Variants in CRADD observed in about 807,000 individuals in gnomAD.
CRADD encodes the protein death domain-containing protein CRADD.
A neutral mutation model predicts 15.5 loss-of-function variants in CRADD; 9 were observed. That is an observed-to-expected ratio of 0.58 (90% CI 0.35 to 1.01). CRADD has a LOEUF of 1.01. Ranked by LOEUF, CRADD falls within the 50% of genes least tolerant of loss-of-function variation. CRADD has a pLI of 0.02. For synonymous variants in CRADD, 118 were observed against 107.6 expected, an observed-to-expected ratio of 1.10 and a Z score of -0.60; for missense variants, 227 against 250.3, an observed-to-expected ratio of 0.91 and a Z score of 0.63.
intron 2 of CRADD, among the ~76,000 whole-genome samples, chr12:93,721,399 CA>C (rs1389373973): frequency 6.6e-6 from 1 of 152,072 alleles, no homozygotes; most frequent in African/African-American, 2.4e-5. Context: ...TGCTGTCATT[CA>C]TTTCACTTAT....
At chr12:93,735,690 C>T (rs941385137) in intron 2 of CRADD, 2 of 152,028 alleles carry the variant, frequency 1.3e-5, no homozygotes, top group African/African-American at 4.8e-5. Flanking sequence ...CGCTTGAAGC[C>T]AAGAGTTTGA....
downstream of CRADD, among the ~76,000 whole-genome samples, chr12:93,854,407 C>T (rs558774758): frequency 2.6e-5 from 4 of 152,296 alleles, no homozygotes; most frequent in South Asian, 4.1e-4. Flanking sequence ...GAAGGCAAGC[C>T]GCCATGTGGA....
chr12:93,754,914 C>T (rs1229559133), intron 2 of CRADD, among the ~76,000 whole-genome samples: 1 of 151,682 alleles, frequency 6.6e-6, no homozygotes, highest in Non-Finnish European at 1.5e-5. Flanking sequence ...TTTACTGTAT[C>T]AGTCCATTTT....
At chr12:93,765,603 G>T (rs1957018827) in intron 2 of CRADD, among the ~76,000 whole-genome samples, 1 of 152,134 alleles carries the variant, frequency 6.6e-6, no homozygotes, top group Non-Finnish European at 1.5e-5. Flanking sequence ...GCTCCTGGGT[G>T]CGCCCTCCTA....
At chr12:93,726,424 A>T (rs1011782609) in intron 2 of CRADD, among the ~76,000 whole-genome samples, 18 of 150,368 alleles carry the variant, frequency 1.2e-4, no homozygotes, top group Non-Finnish European at 2.4e-4. Context: ...TTTTTTAATG[A>T]CTCCCTCAAC....
chr12:93,810,551 C>CAAAAAAAAAAAA (rs56689824), intron 2 of CRADD, among the ~76,000 whole-genome samples: 17 of 39,070 alleles, frequency 4.4e-4, no homozygotes, highest in Admixed American at 8.7e-4. Flanking sequence ...AAATCAGTCT[C>CAAAAAAAAAAAA]AAAAAAAAAA....
At chr12:93,830,857 A>G (rs1957888548) in intron 2 of CRADD, among the ~76,000 whole-genome samples, 1 of 152,226 alleles carries the variant, frequency 6.6e-6, no homozygotes, top group African/African-American at 2.4e-5. Flanking sequence ...TGCTTTAGAC[A>G]ATCTCCAAAC....
intron 2 of CRADD, among the ~76,000 whole-genome samples, chr12:93,704,659 C>A (rs1268677258): frequency 2.0e-5 from 3 of 152,166 alleles, no homozygotes; most frequent in Non-Finnish European, 4.4e-5. Context: ...CTTTGTTATT[C>A]CTCTGCTTAA....
At chr12:93,797,457 G>A (rs1048090649) in intron 2 of CRADD, among the ~76,000 whole-genome samples, 1 of 152,176 alleles carries the variant, frequency 6.6e-6, no homozygotes, top group African/African-American at 2.4e-5. Context: ...GGGAGCCCAG[G>A]AATGAAGGAG....
intron 2 of CRADD, among the ~76,000 whole-genome samples, chr12:93,786,424 A>G (rs1957278392): frequency 6.6e-6 from 1 of 152,216 alleles, no homozygotes; most frequent in African/African-American, 2.4e-5. Flanking sequence ...TGCGGGTACT[A>G]TGTATTAAGT....
At chr12:93,730,374 A>G (rs1215514319) in intron 2 of CRADD, among the ~76,000 whole-genome samples, 1 of 152,252 alleles carries the variant, frequency 6.6e-6, no homozygotes, top group Non-Finnish European at 1.5e-5. Context: ...TAGATTGGCA[A>G]CAATTGAAAA....
chr12:93,850,721 G>A lies in CRADD; in HGVS notation c.*450G>A, dbSNP rs114892834. 1,188 of 984,066 alleles carry A rather than the reference G, an allele frequency of 1.2e-3. 18 individuals are homozygous for A. The African/African-American group carries it at 0.019, about 16-fold the overall frequency. The allele number at this position is 984,066 out of a possible 1,614,324, so 61.0% of individuals were successfully genotyped here. Reference sequence around the variant, plus strand: ...TCATAATGATAAAATAATAAAATGCGAATTACTATATATAATGTGCCTCAC... The same window carrying A: ...TCATAATGATAAAATAATAAAATGCAAATTACTATATATAATGTGCCTCAC... On this transcript the variant is annotated 3_prime_UTR_variant, in exon 3 of 3. Coordinates refer to ENST00000332896, the MANE Select transcript of CRADD (RefSeq NM_003805.5). The surrounding 1 kb of genome is among the most constrained non-coding windows in gnomAD (Gnocchi z 4.0).
intron 2 of CRADD, among the ~76,000 whole-genome samples, chr12:93,758,713 C>T (rs981622409): frequency 8.6e-5 from 13 of 151,976 alleles, no homozygotes; most frequent in South Asian, 8.3e-4. Context: ...GCTTGATTTA[C>T]GTGAAAATTT....
At chr12:93,849,024 T>C (rs12317894) in intron 2 of CRADD, 55,810 of 152,038 alleles carry the variant, frequency 0.37, 10,612 homozygotes, top group East Asian at 0.66. Flanking sequence ...CCCTATGGCC[T>C]CTTAGGTTTA....
Position 93,850,685 on chromosome 12 carries a change from G to T in CRADD, c.*414G>T, listed in dbSNP as rs1456521371. 10 of 983,240 alleles carry T rather than the reference G, an allele frequency of 1.0e-5. No homozygotes were observed. Among genetic ancestry groups the T allele is most frequent in the Non-Finnish European group, 1.2e-5 (10 of 828,242 alleles). The allele number at this position is 983,240 out of a possible 1,614,324, so 60.9% of individuals were successfully genotyped here. A position where few individuals can be genotyped will look rare whatever the true frequency, so the allele number is the denominator to read the frequency against. On this transcript the variant is annotated 3_prime_UTR_variant, in exon 3 of 3. Transcript: ENST00000332896. The surrounding 1 kb of genome is among the most constrained non-coding windows in gnomAD (Gnocchi z 4.0). Reference sequence around the variant, plus strand: ...AATGTTGTCTGAGGACTGAACTGTGGACTTTACTATTCATAATGATAAAAT... The same window carrying T: ...AATGTTGTCTGAGGACTGAACTGTGTACTTTACTATTCATAATGATAAAAT...
At chr12:93,887,181 T>C (rs1025752622) in intron 2 of CRADD, among the ~76,000 whole-genome samples, 2 of 152,284 alleles carry the variant, frequency 1.3e-5, no homozygotes, top group East Asian at 1.9e-4. Context: ...TACAATAGCT[T>C]ACCCAATCGT....
At chr12:93,883,985 A>G (rs1397157897) in intron 2 of CRADD, among the ~76,000 whole-genome samples, 1 of 152,230 alleles carries the variant, frequency 6.6e-6, no homozygotes, top group Non-Finnish European at 1.5e-5. Context: ...GAGAAAGAGC[A>G]GCCAAGATGG....
At chr12:93,873,881 G>A (rs145158905) in intron 2 of CRADD, among the ~76,000 whole-genome samples, 119 of 151,182 alleles carry the variant, frequency 7.9e-4, no homozygotes, top group African/African-American at 2.6e-3. Flanking sequence ...TTTGTTTTTC[G>A]TTGTGTGTGT....
At chr12:93,846,323 A>C (rs1455678258) in intron 2 of CRADD, among the ~76,000 whole-genome samples, 3 of 152,046 alleles carry the variant, frequency 2.0e-5, no homozygotes, top group African/African-American at 4.8e-5. Flanking sequence ...ATCATATGCT[A>C]ATTCTATTTT....
Sources: gnomAD v4.1 joint callset for allele counts (sites outside exome capture counted in the v4.1 genomes callset) on GRCh38, gnomAD v4.1.1 for gene constraint, Gnocchi (gnomAD v3.1) non-coding constraint, MANE v1.5 for transcripts, NCBI Gene and HGNC (gene_info 2026-07-23, HGNC 2026-07-21) for gene names.